Variants in VPS26C observed in about 807,000 individuals in gnomAD.
VPS26C encodes vacuolar protein sorting-associated protein 26C.
In VPS26C, 19 loss-of-function variants were observed where a neutral mutation model predicts 30.6. The observed-to-expected ratio is 0.62, with a 90% CI of 0.43 to 0.91. The LOEUF (loss-of-function observed/expected upper bound fraction) is 0.91. Ranked by LOEUF, VPS26C falls within the 40% of genes least tolerant of loss-of-function variation. The pLI, the probability that VPS26C is intolerant of heterozygous loss-of-function variation, is 0.00. For synonymous variants in VPS26C, 132 were observed against 151.5 expected, an observed-to-expected ratio of 0.87 and a Z score of 0.95; for missense variants, 318 against 385.1, an observed-to-expected ratio of 0.83 and a Z score of 1.46.
chr21:37,228,352 G>A lies in VPS26C; in HGVS notation c.529C>T (p.Leu177Phe). The A allele has an allele frequency of 1.2e-6, 2 of 1,614,166 alleles. No homozygotes were observed. The highest frequency in any genetic ancestry group is 1.7e-6 in the Non-Finnish European group (2 of 1,180,038). The change falls in exon 6 of 8, where the codon CTC becomes TTC. Residue 177 changes from leucine (L) to phenylalanine (F), a missense_variant. By Grantham distance (22) the Leu-to-Phe change is conservative. Transcript: ENST00000309117. ...VKERALLPKF[L>F]LRGHLNSTNC... ...GTTGAGTTGAGATGTCCTCGAAGGA[G>A]AAATTTGGGAAGCAAAGCTCTCTAA...
intron 1 of VPS26C, among the ~76,000 whole-genome samples, chr21:37,254,520 A>G (rs541485020): frequency 7.9e-5 from 12 of 152,234 alleles, no homozygotes; most frequent in African/African-American, 2.6e-4. Context: ...TAAAGAAAGA[A>G]AGAGCTCAGG....
intron 5 of VPS26C, among the ~76,000 whole-genome samples, chr21:37,230,309 C>G (rs934206375): frequency 6.6e-6 from 1 of 152,220 alleles, no homozygotes. Context: ...ACTAAACAAT[C>G]ATTTTCCCTC....
intron 7 of VPS26C, chr21:37,227,453 C>G (rs1279094486): frequency 3.3e-6 from 2 of 604,304 alleles, no homozygotes; most frequent in Middle Eastern, 4.4e-4. Flanking sequence ...GGTGTGTCCC[C>G]TGTGCGGCAC....
chr21:37,231,535 G>C (rs74791694), intron 5 of VPS26C: 2,808 of 152,532 alleles, frequency 0.018, 49 homozygotes, highest in Middle Eastern at 0.047. Flanking sequence ...GCCTCTGAGG[G>C]ATGAGGCCAA....
intron 1 of VPS26C, among the ~76,000 whole-genome samples, chr21:37,263,169 A>C (rs532025795): frequency 1.4e-4 from 21 of 152,310 alleles, no homozygotes; most frequent in African/African-American, 4.3e-4. Flanking sequence ...GGTCAATTTT[A>C]AATCTAAGTA....
Position 37,238,480 on chromosome 21 carries a change from C to A in VPS26C, c.331G>T (p.Gly111Cys). The A allele has an allele frequency of 8.7e-6, 14 of 1,614,088 alleles. No homozygotes were observed. Among genetic ancestry groups the A allele is most frequent in the Non-Finnish European group, 1.2e-5 (14 of 1,180,002 alleles). Residue 111 changes from glycine (G) to cysteine (C), a missense_variant, in exon 3 of 8, where the codon GGC becomes TGC. Gly to Cys is a radical substitution (Grantham distance 159). Transcript: ENST00000309117. The stretch of plus-strand genomic sequence containing the variant: ...CTCACCTGAATGTTGACAAACACGC[C>A]ATGATACGTCTCATACAGAACTTTG... ...GNKVLYETYH[G>C]VFVNIQYTLR...
intron 1 of VPS26C, among the ~76,000 whole-genome samples, chr21:37,260,364 C>T (rs2086291757): frequency 6.6e-6 from 1 of 152,130 alleles, no homozygotes; most frequent in South Asian, 2.1e-4. Context: ...TCTCATATCA[C>T]CCATGGGTCT....
At chr21:37,255,851 A>ATTTTCTTTTTTTT (rs2086236930) in intron 1 of VPS26C, among the ~76,000 whole-genome samples, 1 of 108,514 alleles carries the variant, frequency 9.2e-6, no homozygotes, top group Non-Finnish European at 1.7e-5. Context: ...TATGCACTGC[A>ATTTTCTTTTTTTT]TTTTTTTTTT....
intron 3 of VPS26C, among the ~76,000 whole-genome samples, chr21:37,235,913 G>A (rs2086019382): frequency 7.0e-6 from 1 of 143,860 alleles, no homozygotes; most frequent in South Asian, 2.2e-4. Flanking sequence ...TTTTTCTTAA[G>A]AGATGAGGTA....
chr21:37,251,816 TCTC>T lies in VPS26C; in HGVS notation c.58-11180_58-11178del, dbSNP rs1161144177. Among the ~76,000 whole-genome samples, 4 of 152,332 alleles carry T rather than the reference TCTC, an allele frequency of 2.6e-5. No individual in the cohort carries two copies. In the South Asian group the frequency reaches 6.2e-4, roughly 24 times the overall value. On this transcript the variant is annotated intron_variant, in intron 1 of 7. Coordinates refer to ENST00000309117, the MANE Select transcript of VPS26C (RefSeq NM_006052.2). ...TTGATAACCTATAGGCCTAATAGTC[TCTC>T]CTCAGGAAAAGATCTGAAGATTGTG...
At chr21:37,266,443 T>G (rs2086362722) in intron 1 of VPS26C, among the ~76,000 whole-genome samples, 1 of 152,162 alleles carries the variant, frequency 6.6e-6, no homozygotes, top group South Asian at 2.1e-4. Context: ...TAGCTGCACA[T>G]ATATCACCGG....
chr21:37,247,958 C>T (rs1222504402), intron 1 of VPS26C, among the ~76,000 whole-genome samples: 1 of 152,040 alleles, frequency 6.6e-6, no homozygotes, highest in Non-Finnish European at 1.5e-5. Context: ...ATTGTTTGAG[C>T]CCAGGAGTTT....
At chr21:37,244,394 C>A (rs534921228) in intron 1 of VPS26C, among the ~76,000 whole-genome samples, 1 of 152,336 alleles carries the variant, frequency 6.6e-6, no homozygotes, top group South Asian at 2.1e-4. Flanking sequence ...TGCACCACCA[C>A]ACCCAGCTAA....
intron 5 of VPS26C, chr21:37,232,108 C>G (rs978860237): frequency 9.0e-6 from 4 of 446,284 alleles, no homozygotes; most frequent in Non-Finnish European, 1.6e-5. Context: ...CTTGGGGGCC[C>G]ATGATGCAGT....
rs116416701 is a variant in VPS26C, at chr21:37,232,280, G to A, written c.507+97C>T. Reference sequence around the variant, plus strand: ...TCAGAAATCTCTGCCGGCTGATGACGTGATTTCCAAATGAAGACCACCCGG... The same window carrying A: ...TCAGAAATCTCTGCCGGCTGATGACATGATTTCCAAATGAAGACCACCCGG... On this transcript the variant is annotated intron_variant, in intron 5 of 7. Transcript: ENST00000309117. 3,013 of 966,350 alleles carry A rather than the reference G, an allele frequency of 3.1e-3. 51 individuals are homozygous for A. In the African/African-American group the frequency reaches 0.04, roughly 13 times the overall value. 59.9% of individuals were successfully genotyped at this position (966,350 alleles called of 1,614,324 possible).
Position 37,227,706 on chromosome 21 carries a change from G to T in VPS26C, c.759C>A (p.Val253=). The change falls in exon 7 of 8, where the codon GTC becomes GTA. Residue 253 remains valine, a synonymous_variant. Coordinates refer to ENST00000309117, the MANE Select transcript of VPS26C (RefSeq NM_006052.2). The part of the protein sequence containing the change: ...CRGLSVPIYM[V]FPRLFTCPTL... Reference sequence around the variant, plus strand: ...TAGGGCAGGTGAACAGCCTAGGGAAGACCATGTAGATGGGGACAGAGAGGC... The same window carrying T: ...TAGGGCAGGTGAACAGCCTAGGGAATACCATGTAGATGGGGACAGAGAGGC... 1.9e-6 allele frequency: 3 copies of T among 1,614,170 alleles called. No individual in the cohort carries two copies. The highest frequency in any genetic ancestry group is 2.5e-6 in the Non-Finnish European group (3 of 1,180,030).
chr21:37,249,279 C>T (rs2086168452), intron 1 of VPS26C, among the ~76,000 whole-genome samples: 1 of 152,094 alleles, frequency 6.6e-6, no homozygotes, highest in Non-Finnish European at 1.5e-5. Flanking sequence ...TCACTACTTG[C>T]ACAATGAGTG....
At chr21:37,254,459 T>C (rs572826771) in intron 1 of VPS26C, among the ~76,000 whole-genome samples, 46 of 152,032 alleles carry the variant, frequency 3.0e-4, no homozygotes, top group African/African-American at 1.1e-3. Flanking sequence ...ATTGTGCCAC[T>C]GTGCTCCAGC....
In VPS26C at chr21:37,224,609, A is replaced by G. The variant is rs1215155895; in HGVS notation, c.*935T>C. ...CTTGAGACTTCAGAAACACTTCGGC[A>G]CCAGCCAAATCCCCCCAAGAGAGCA... On this transcript the variant is annotated 3_prime_UTR_variant, in exon 8 of 8. Transcript: ENST00000309117. The G allele has an allele frequency of 6.6e-6, 1 of 152,260 alleles. No individual in the cohort carries two copies. Among genetic ancestry groups the G allele is most frequent in the Non-Finnish European group, 1.5e-5 (1 of 68,058 alleles). The allele number at this position is 152,260 out of a possible 1,614,324, so 9.4% of individuals were successfully genotyped here.
Sources: allele counts gnomAD v4.1 joint callset (sites outside exome capture counted in the v4.1 genomes callset), GRCh38; gene constraint gnomAD v4.1.1; transcripts MANE v1.5; gene names NCBI Gene and HGNC (gene_info 2026-07-23, HGNC 2026-07-21).